Variants in MACROD2 observed in about 807,000 individuals in gnomAD.
MACROD2 encodes mono-ADP ribosylhydrolase 2, also known as ADP-ribose glycohydrolase MACROD2.
Under a neutral mutation model 70.4 loss-of-function variants are expected in MACROD2, and 36 were observed. That is an observed-to-expected ratio of 0.51 (90% confidence interval 0.39 to 0.68). The LOEUF is 0.68. Ranked by LOEUF, MACROD2 falls within the 30% of genes least tolerant of loss-of-function variation. The pLI is 0.00. For missense variants in MACROD2, 496 were observed against 538.4 expected (o/e 0.92, Z 0.78); for synonymous variants, 172 against 178.8 (o/e 0.96, Z 0.30).
intron 3 of MACROD2, among the ~76,000 whole-genome samples, chr20:14,240,893 G>A (rs1478883727): frequency 6.6e-6 from 1 of 152,176 alleles, no homozygotes; most frequent in Non-Finnish European, 1.5e-5. Flanking sequence ...CACTTTGGGA[G>A]GCCGAGGTGG....
chr20:15,545,863 C>T (rs1181318981), intron 8 of MACROD2, among the ~76,000 whole-genome samples: 2 of 152,206 alleles, frequency 1.3e-5, no homozygotes, highest in African/African-American at 4.8e-5. Context: ...GGATGTAAGA[C>T]AGGGAGCACC....
intron 5 of MACROD2, among the ~76,000 whole-genome samples, chr20:15,225,112 T>G (rs1212326403): frequency 1.3e-5 from 2 of 152,200 alleles, no homozygotes; most frequent in South Asian, 2.1e-4. Context: ...TGTTCATCAT[T>G]TAAACCCTAT....
At chr20:14,416,716 G>T (rs1209652134) in intron 3 of MACROD2, among the ~76,000 whole-genome samples, 2 of 152,094 alleles carry the variant, frequency 1.3e-5, no homozygotes, top group East Asian at 3.9e-4. Flanking sequence ...TATGTGCCAG[G>T]CAATAAAGTA....
intron 5 of MACROD2, among the ~76,000 whole-genome samples, chr20:15,137,904 C>G (rs2076162848): frequency 6.6e-6 from 1 of 152,108 alleles, no homozygotes; most frequent in African/African-American, 2.4e-5. Flanking sequence ...GAGAATTCTA[C>G]TCTTCATTTT....
At chr20:15,143,335 T>G (rs1395969817) in intron 5 of MACROD2, among the ~76,000 whole-genome samples, 1 of 152,226 alleles carries the variant, frequency 6.6e-6, no homozygotes, top group East Asian at 1.9e-4. Context: ...GTTCATATCC[T>G]TTGCCCAAGT....
At chr20:15,214,558 A>T (rs932696324) in intron 5 of MACROD2, among the ~76,000 whole-genome samples, 2 of 152,194 alleles carry the variant, frequency 1.3e-5, no homozygotes, top group African/African-American at 4.8e-5. Flanking sequence ...AACAAATTAT[A>T]TAAAAAGAAC....
chr20:14,596,648 T>C (rs1290441515), intron 4 of MACROD2, among the ~76,000 whole-genome samples: 1 of 152,146 alleles, frequency 6.6e-6, no homozygotes, highest in Non-Finnish European at 1.5e-5. Context: ...CTTTTATTGC[T>C]ATACTTACAC....
At chr20:14,280,324 A>C (rs964889464) in intron 3 of MACROD2, among the ~76,000 whole-genome samples, 1 of 152,186 alleles carries the variant, frequency 6.6e-6, no homozygotes, top group African/African-American at 2.4e-5. Context: ...GGAGTTTATG[A>C]TTTTAATATC....
rs542480918 is a variant in MACROD2, at chr20:15,669,702, C to T, written c.645+169855C>T. 2.6e-5 allele frequency among the ~76,000 whole-genome samples: 4 copies of T among 152,270 alleles called. No individual in the cohort carries two copies. In the East Asian group the frequency reaches 7.7e-4, roughly 29 times the overall value. On this transcript the variant is annotated intron_variant, in intron 8 of 17. Coordinates refer to ENST00000684519, the MANE Select transcript of MACROD2 (RefSeq NM_001351661.2). ...TTGCCTGGCAAGAGCAAGGCCAAGA[C>T]TGGAAGGAAAATTGGATTTTATTTG...
intron 5 of MACROD2, among the ~76,000 whole-genome samples, chr20:15,100,299 TTTGA>T (rs2075862477): frequency 5.1e-5 from 3 of 59,036 alleles, no homozygotes; most frequent in African/African-American, 2.8e-4. Context: ...TAAATGCATT[TTTGA>T]CTTATGATAT....
intron 10 of MACROD2, among the ~76,000 whole-genome samples, chr20:15,888,944 C>T (rs175787): frequency 0.013 from 2,031 of 152,236 alleles, 37 homozygotes; most frequent in African/African-American, 0.041. Context: ...GCCTTTCCCC[C>T]GCCCTGCATC....
intron 2 of MACROD2, among the ~76,000 whole-genome samples, chr20:14,043,858 A>G (rs1440096394): frequency 6.6e-6 from 1 of 152,226 alleles, no homozygotes. Flanking sequence ...TCTGAAGGCC[A>G]ATGTATAACA....
intron 5 of MACROD2, among the ~76,000 whole-genome samples, chr20:15,084,301 C>T (rs2075730643): frequency 6.6e-6 from 1 of 151,998 alleles, no homozygotes; most frequent in Non-Finnish European, 1.5e-5. Context: ...GTCCTGACCT[C>T]ATGTGATCTG....
intron 6 of MACROD2, among the ~76,000 whole-genome samples, chr20:15,257,115 T>C (rs1427689617): frequency 6.6e-6 from 1 of 152,066 alleles, no homozygotes; most frequent in Non-Finnish European, 1.5e-5. Flanking sequence ...TGGATATTAA[T>C]ATATATACTT....
intron 5 of MACROD2, among the ~76,000 whole-genome samples, chr20:15,012,644 C>G (rs1413690230): frequency 6.6e-6 from 1 of 152,146 alleles, no homozygotes; most frequent in East Asian, 1.9e-4. Flanking sequence ...AGAGCTAGCT[C>G]TGTCATATTG....
intron 7 of MACROD2, among the ~76,000 whole-genome samples, chr20:15,473,480 T>G (rs368814404): frequency 1.3e-5 from 2 of 152,288 alleles, no homozygotes; most frequent in African/African-American, 4.8e-5. Flanking sequence ...CTGACCCATT[T>G]ATCATCTATC....
chr20:15,858,912 G>A (rs1349650375), intron 8 of MACROD2, among the ~76,000 whole-genome samples: 2 of 152,126 alleles, frequency 1.3e-5, no homozygotes, highest in South Asian at 2.1e-4. Context: ...ACAATGTGAG[G>A]GTGAGTGGTG....
chr20:15,510,307 T>G (rs1032940465), intron 8 of MACROD2, among the ~76,000 whole-genome samples: 1 of 152,182 alleles, frequency 6.6e-6, no homozygotes, highest in Non-Finnish European at 1.5e-5. Flanking sequence ...ACAACCATTT[T>G]CTGGAGATAG....
At chr20:14,118,511 T>C (rs1181502478) in intron 3 of MACROD2, among the ~76,000 whole-genome samples, 5 of 152,222 alleles carry the variant, frequency 3.3e-5, no homozygotes, top group Non-Finnish European at 7.3e-5. Context: ...TAAACCATTC[T>C]TTTTGATGAT....
Sources: gnomAD v4.1 joint callset for allele counts (sites outside exome capture counted in the v4.1 genomes callset) on GRCh38, gnomAD v4.1.1 for gene constraint, MANE v1.5 for transcripts, NCBI Gene and HGNC (gene_info 2026-07-23, HGNC 2026-07-21) for gene names.